The following FAM13B variants were observed in gnomAD, a reference collection of about 807,000 sequenced individuals.
FAM13B encodes the protein protein FAM13B.
A neutral mutation model predicts 117.3 loss-of-function variants in FAM13B; 60 were observed. The ratio of observed to expected loss-of-function variants is 0.51; its 90% confidence interval spans 0.42 to 0.63. The LOEUF (loss-of-function observed/expected upper bound fraction) is 0.63. FAM13B is among the 30% of genes least tolerant of loss of function. FAM13B has a pLI of 0.00. For missense variants in FAM13B, 972 were observed against 1,091.9 expected, an observed-to-expected ratio of 0.89 and a Z score of 1.55; for synonymous variants, 332 against 356.1, an observed-to-expected ratio of 0.93 and a Z score of 0.76.
intron 4 of FAM13B, among the ~76,000 whole-genome samples, chr5:138,015,887 A>G (rs1314838135): frequency 3.9e-5 from 6 of 152,380 alleles, no homozygotes; most frequent in South Asian, 2.1e-4. Flanking sequence ...AAACGGGTGT[A>G]TATGTGCACA....
intron 17 of FAM13B, among the ~76,000 whole-genome samples, chr5:137,949,537 T>C (rs937748596): frequency 1.2e-4 from 19 of 152,162 alleles, no homozygotes; most frequent in Admixed American, 7.2e-4. Context: ...CACAGCACTT[T>C]GGGATGCCAA....
At chr5:137,989,765 G>A (rs895104502) in intron 7 of FAM13B, among the ~76,000 whole-genome samples, 7 of 152,286 alleles carry the variant, frequency 4.6e-5, no homozygotes, top group African/African-American at 1.7e-4. Context: ...GGAGGTTGCA[G>A]TGAGCTGTGG....
rs896715070 is a variant in FAM13B, at chr5:138,032,909, C to A, written c.-330G>T. ...GAGAAGCCTCTTCCTGGGGCGGCCG[C>A]TGACGGGAGGTTAAAGCTACGGCTG... On this transcript the variant is annotated 5_prime_UTR_variant, in exon 1 of 24. Coordinates refer to ENST00000689681, the MANE Select transcript of FAM13B (RefSeq NM_001385994.1). 1.0e-6 allele frequency: 1 copy of A among 985,580 alleles called. No homozygotes were observed. Among genetic ancestry groups the A allele is most frequent in the African/African-American group, 1.7e-5 (1 of 57,240 alleles). 61.1% of individuals were successfully genotyped at this position (985,580 alleles called of 1,614,324 possible).
intron 1 of FAM13B, among the ~76,000 whole-genome samples, chr5:138,031,586 G>A (rs1311361536): frequency 2.0e-5 from 3 of 151,994 alleles, no homozygotes; most frequent in Non-Finnish European, 4.4e-5. Context: ...TCAGGAGGCT[G>A]AGGCAGGAGA....
chr5:138,031,176 G>A (rs1789895473), intron 1 of FAM13B, among the ~76,000 whole-genome samples: 1 of 152,124 alleles, frequency 6.6e-6, no homozygotes, highest in African/African-American at 2.4e-5. Context: ...GGGAAACACT[G>A]ACAAGTCAAC....
chr5:137,976,438 CTTAAA>C (rs1351790365), intron 10 of FAM13B, among the ~76,000 whole-genome samples: 1 of 151,952 alleles, frequency 6.6e-6, no homozygotes, highest in Non-Finnish European at 1.5e-5. Context: ...GAATTTTTTG[CTTAAA>C]TTATTTGATT....
At chr5:138,003,626 C>T (rs1301727268) in intron 7 of FAM13B, among the ~76,000 whole-genome samples, 5 of 152,118 alleles carry the variant, frequency 3.3e-5, no homozygotes, top group Admixed American at 1.3e-4. Flanking sequence ...ACTAGCTCCT[C>T]CCTCCATCCC....
intron 1 of FAM13B, among the ~76,000 whole-genome samples, chr5:138,050,960 A>G (rs753871947): frequency 4.6e-5 from 7 of 152,164 alleles, no homozygotes; most frequent in Non-Finnish European, 1.0e-4. Flanking sequence ...ATTATAATAC[A>G]TAGTCTTTAG....
intron 1 of FAM13B, among the ~76,000 whole-genome samples, chr5:138,032,158 C>T (rs1411663916): frequency 5.9e-5 from 9 of 152,210 alleles, no homozygotes; most frequent in Non-Finnish European, 1.2e-4. Context: ...CCTACAACCT[C>T]ATCTAGGAAA....
chr5:138,000,729 G>A (rs1039235244), intron 7 of FAM13B, among the ~76,000 whole-genome samples: 1 of 151,926 alleles, frequency 6.6e-6, no homozygotes, highest in African/African-American at 2.4e-5. Flanking sequence ...CCAGGAGTTC[G>A]AGACCAGCCT....
Position 137,939,753 on chromosome 5 carries a change from T to G in FAM13B, c.*472A>C. 1.5e-6 allele frequency: 1 copy of G among 655,252 alleles called. No homozygotes were observed. Among genetic ancestry groups the G allele is most frequent in the Non-Finnish European group, 2.0e-6 (1 of 501,860 alleles). The allele number at this position is 655,252 out of a possible 1,614,324, so 40.6% of individuals were successfully genotyped here. A position where few individuals can be genotyped will look rare whatever the true frequency, so the allele number is the denominator to read the frequency against. The stretch of plus-strand genomic sequence containing the variant: ...TTTTCTAGGAAAACAGAGAACACAG[T>G]TGCGTATGTGCACTTTTATAGGCTT... On this transcript the variant is annotated 3_prime_UTR_variant, in exon 24 of 24. Transcript: ENST00000689681.
chr5:137,957,637 CAGCCACTCTACAA>C (rs1423341967), intron 13 of FAM13B, among the ~76,000 whole-genome samples: 1 of 151,522 alleles, frequency 6.6e-6, no homozygotes, highest in Non-Finnish European at 1.5e-5. Flanking sequence ...GGTCTACAAA[CAGCCACTCTACAA>C]AGCACATGCA....
intron 8 of FAM13B, 105 bp downstream of exon 8, chr5:137,988,169 T>C: frequency 1.2e-6 from 1 of 807,130 alleles, no homozygotes; most frequent in East Asian, 3.0e-5. Context: ...ACTGCCTGTG[T>C]ACAGTCTTTC....
At position 137,940,247 on chromosome 5, in the gene FAM13B, T is replaced by C. The variant is rs2150087442; in HGVS notation, c.2792A>G (p.Gln931Arg). 1 of 1,614,096 alleles carries C rather than the reference T, an allele frequency of 6.2e-7. No individual in the cohort carries two copies. The highest frequency in any genetic ancestry group is 2.2e-5 in the East Asian group (1 of 44,868). Residue 931 changes from glutamine to arginine, a missense_variant, in exon 24 of 24, where the codon CAA (glutamine) becomes CGA (arginine). Physicochemically the swap from Gln to Arg is conservative, Grantham distance 43. Transcript: ENST00000689681. ...ATCTTATATGGATTTTGAAGAATCT[T>C]GTTTGCTTATAAGAACTTCAAGAAG... ...LRLLEVLISK[Q>R]DSSKSI
intron 4 of FAM13B, among the ~76,000 whole-genome samples, chr5:138,013,581 A>G (rs1241161239): frequency 1.3e-5 from 2 of 152,192 alleles, no homozygotes; most frequent in Non-Finnish European, 2.9e-5. Context: ...AATGCAACCA[A>G]TAACAACTCT....
chr5:137,991,396 A>G (rs766915332), intron 7 of FAM13B, among the ~76,000 whole-genome samples: 6 of 152,206 alleles, frequency 3.9e-5, no homozygotes, highest in Non-Finnish European at 7.3e-5. Flanking sequence ...ATGTGTTTTT[A>G]TAACTATAAA....
intron 1 of FAM13B, among the ~76,000 whole-genome samples, chr5:138,038,270 C>G (rs1791344867): frequency 6.6e-6 from 1 of 152,132 alleles, no homozygotes; most frequent in Non-Finnish European, 1.5e-5. Context: ...TAAATACAAG[C>G]ACATCTCTTC....
At chr5:137,956,899 T>G (rs562132748) in intron 13 of FAM13B, among the ~76,000 whole-genome samples, 6 of 152,328 alleles carry the variant, frequency 3.9e-5, no homozygotes, top group Non-Finnish European at 5.9e-5. Context: ...GTTTGCTCTT[T>G]GAAAAAATCC....
intron 10 of FAM13B, among the ~76,000 whole-genome samples, chr5:137,965,802 G>A (rs1201723184): frequency 1.3e-5 from 2 of 152,096 alleles, no homozygotes; most frequent in Non-Finnish European, 2.9e-5. Flanking sequence ...ACTTCTGAAA[G>A]GAGATAAAAC....
Sources: gnomAD v4.1 joint callset for allele counts (sites outside exome capture counted in the v4.1 genomes callset) on GRCh38, gnomAD v4.1.1 for gene constraint, MANE v1.5 for transcripts, NCBI Gene and HGNC (gene_info 2026-07-23, HGNC 2026-07-21) for gene names.